The following MFSD2B variants were observed in gnomAD, a reference collection of about 807,000 sequenced individuals.
The protein encoded by MFSD2B is sphingosine-1-phosphate transporter MFSD2B.
In MFSD2B, 56 loss-of-function variants were observed where a neutral mutation model predicts 58.4. The observed-to-expected ratio is 0.96, with a 90% CI of 0.77 to 1.20. The LOEUF is 1.20. Among genes scored for constraint, MFSD2B ranks in the 50% most tolerant of loss-of-function variants. The probability of loss-of-function intolerance (pLI) is 0.00; values close to 1 mark genes in which losing one functional copy is unlikely to be tolerated. For synonymous variants in MFSD2B, 287 were observed against 294.4 expected, an observed-to-expected ratio of 0.97 and a Z score of 0.26; for missense variants, 645 against 667.6, an observed-to-expected ratio of 0.97 and a Z score of 0.37.
At position 24,021,724 on chromosome 2, in the gene MFSD2B, T is replaced by G. The variant is rs1573643153; in HGVS notation, c.758T>G (p.Val253Gly). Residue 253 changes from valine to glycine, a missense_variant, in exon 7 of 14, where the codon GTG becomes GGG. Val to Gly is a moderately radical substitution (Grantham distance 109). Coordinates refer to ENST00000338315, the MANE Select transcript of MFSD2B (RefSeq NM_001346880.2). The surrounding 1 kb of genome is among the most constrained non-coding windows in gnomAD (Gnocchi z 5.7). ...TGCATCAGTTTACTGTGCCTAGGGG[T>G]GAAGGAGCGGCCAGGTATGGGGTTT... ...PVCISLLCLG[V>G]KERPDPSAPA... The G allele has an allele frequency of 6.2e-7, 1 of 1,613,406 alleles. No individual in the cohort carries two copies. The highest frequency in any genetic ancestry group is 1.3e-5 in the African/African-American group (1 of 75,014).
At chr2:24,011,617 C>A (rs559606388) in intron 1 of MFSD2B, among the ~76,000 whole-genome samples, 1 of 152,288 alleles carries the variant, frequency 6.6e-6, no homozygotes, top group African/African-American at 2.4e-5. Flanking sequence ...GAGAAAAGAG[C>A]CCAGCTTCTT....
chr2:24,023,263 C>A lies in MFSD2B; in HGVS notation c.1169+24C>A, dbSNP rs766585378. On this transcript the variant is annotated intron_variant, in intron 11 of 13. Transcript: ENST00000338315. The surrounding 1 kb of genome is among the most constrained non-coding windows in gnomAD (Gnocchi z 5.0). ...TGGTAGGCTGGGTGTGGGGGCCTCA[C>A]GTGTGTCCACAGTGGGTGTCACCTC... is the stretch of plus-strand genomic sequence containing the variant. 2 of 1,564,802 alleles carry A rather than the reference C, an allele frequency of 1.3e-6. No individual in the cohort carries two copies. Among genetic ancestry groups the A allele is most frequent in the African/African-American group, 1.3e-5 (1 of 74,150 alleles).
Position 24,025,619 on chromosome 2 carries a change from T to G in MFSD2B, c.*163T>G, listed in dbSNP as rs1662955096. The G allele has an allele frequency of 4.7e-6, 3 of 641,764 alleles. No individual in the cohort carries two copies. The Admixed American group carries it at 7.6e-5, about 16-fold the overall frequency. 39.8% of individuals were successfully genotyped at this position (641,764 alleles called of 1,614,324 possible). A position where few individuals can be genotyped will look rare whatever the true frequency, so the allele number is the denominator to read the frequency against. ...GTGTCCTGAAGGGACTGGCCCGCACTCCAGGACCCCACTTGGCATTTCTTG... is the reference window on the plus strand; with the variant it reads ...GTGTCCTGAAGGGACTGGCCCGCACGCCAGGACCCCACTTGGCATTTCTTG... On this transcript the variant is annotated 3_prime_UTR_variant, in exon 14 of 14. Transcript: ENST00000338315.
chr2:24,019,707 C>T (rs1662687616), intron 6 of MFSD2B, among the ~76,000 whole-genome samples: 1 of 152,086 alleles, frequency 6.6e-6, no homozygotes, highest in Admixed American at 6.6e-5. Flanking sequence ...TGGGCAATCA[C>T]CTTGCCTATG....
In MFSD2B at chr2:24,023,346, G is replaced by A. The variant is rs1159166380; in HGVS notation, c.1169+107G>A. On this transcript the variant is annotated intron_variant, in intron 11 of 13. Coordinates refer to ENST00000338315, the MANE Select transcript of MFSD2B (RefSeq NM_001346880.2). The surrounding 1 kb of genome is among the most constrained non-coding windows in gnomAD (Gnocchi z 5.0). ...CACCCAGCCTGTGCAGGAGATGGAG[G>A]CCACCAGCTCCATCCTCAGAGCCCT... The A allele has an allele frequency of 4.8e-6, 5 of 1,034,292 alleles. No individual in the cohort carries two copies. Among genetic ancestry groups the A allele is most frequent in the Non-Finnish European group, 5.9e-6 (4 of 677,926 alleles). The allele number at this position is 1,034,292 out of a possible 1,614,324, so 64.1% of individuals were successfully genotyped here.
Position 24,013,319 on chromosome 2 carries a change from A to C in MFSD2B, c.131A>C (p.Lys44Thr). ...SRAGRLSFCT[K>T]VCYGIGGVPN... is the part of the protein sequence containing the mutation. The stretch of plus-strand genomic sequence containing the variant: ...GCCGGTCGCCTCTCATTCTGTACAA[A>C]GGTGTGCTATGGCATTGGTGGGGTC... The change falls in exon 2 of 14, where the codon AAG becomes ACG. Residue 44 changes from lysine (K) to threonine (T), a missense_variant. Transcript: ENST00000338315. The C allele has an allele frequency of 6.2e-7, 1 of 1,612,376 alleles. No individual in the cohort carries two copies. Among genetic ancestry groups the C allele is most frequent in the Non-Finnish European group, 8.5e-7 (1 of 1,179,410 alleles).
Position 24,016,968 on chromosome 2 carries a change from G to T in MFSD2B, c.471G>T (p.Thr157=), listed in dbSNP as rs761980476. ...ACTGCCTGTTCCAGGCCCTGGCCAC[G>T]GTAAGCAGGGCCCCTTCCTGGGCCT... ...TFYCLFQALA[T]FFQVPYTALT... Residue 157 remains threonine, a splice_region_variant and synonymous_variant, in exon 4 of 14, where the codon ACG becomes ACT. Coordinates refer to ENST00000338315, the MANE Select transcript of MFSD2B (RefSeq NM_001346880.2). The T allele has an allele frequency of 9.3e-6, 15 of 1,613,526 alleles. No individual in the cohort carries two copies. The highest frequency in any genetic ancestry group is 1.2e-5 in the Non-Finnish European group (14 of 1,179,866).
At position 24,022,803 on chromosome 2, in the gene MFSD2B, C is replaced by T. The variant is rs376342293; in HGVS notation, c.979-19C>T. On this transcript the variant is annotated intron_variant, in intron 9 of 13. Transcript: ENST00000338315. This position sits in a 1 kb window ranked among gnomAD's most constrained non-coding sequence, Gnocchi z 4.5. ...CGCTGGCAGCACGGCCCTGGCGTGACGATGCTGTCTGCTCACAGGTCTCAG... is the reference window on the plus strand; with the variant it reads ...CGCTGGCAGCACGGCCCTGGCGTGATGATGCTGTCTGCTCACAGGTCTCAG... 80 of 1,542,092 alleles carry T rather than the reference C, an allele frequency of 5.2e-5. No homozygotes were observed. Among genetic ancestry groups the T allele is most frequent in the Non-Finnish European group, 6.1e-5 (70 of 1,146,064 alleles).
At chr2:24,013,206 A>C in intron 1 of MFSD2B, 79 bp from the exon 2 acceptor site, 1 of 1,409,296 alleles carries the variant, frequency 7.1e-7, no homozygotes, top group Non-Finnish European at 9.5e-7. Context: ...GAGACTCAGG[A>C]TGTTTACTGA....
At chr2:24,016,049 C>T in intron 2 of MFSD2B, 107 bp from the exon 3 acceptor site, 1 of 1,388,150 alleles carries the variant, frequency 7.2e-7, no homozygotes, top group Non-Finnish European at 1.0e-6. Flanking sequence ...GTGGCTCTGC[C>T]CTCCGGTCCC....
chr2:24,010,822 G>A (rs1033719083), intron 1 of MFSD2B, among the ~76,000 whole-genome samples: 2 of 152,184 alleles, frequency 1.3e-5, no homozygotes, highest in African/African-American at 4.8e-5. Flanking sequence ...CTCCCTGCTC[G>A]TGCCCAGGGC....
In MFSD2B at chr2:24,017,376, C is replaced by A; in HGVS notation, c.550+12C>A. ...GGCCACCGCCTACCGTGAGTGCAGC[C>A]GTGGGTTTCGGGTTCCAGGGAGGCA... On this transcript the variant is annotated intron_variant, in intron 5 of 13. Coordinates refer to ENST00000338315, the MANE Select transcript of MFSD2B (RefSeq NM_001346880.2). This position sits in a 1 kb window ranked among gnomAD's most constrained non-coding sequence, Gnocchi z 4.8. 6.2e-7 allele frequency: 1 copy of A among 1,601,548 alleles called. No homozygotes were observed.
rs536863465 is a variant in MFSD2B at position 24,021,190 on chromosome 2, G to C, written c.682-458G>C. ...TAGGATGACAGGCATGAGCCACCGC[G>C]CCCGGCCCTGCTTCCTCCATTAATC... is the stretch of plus-strand genomic sequence containing the variant. On this transcript the variant is annotated intron_variant, in intron 6 of 13. Transcript: ENST00000338315. The surrounding 1 kb of genome is among the most constrained non-coding windows in gnomAD (Gnocchi z 5.7). 3.3e-5 allele frequency among the ~76,000 whole-genome samples: 5 copies of C among 152,248 alleles called. No individual in the cohort carries two copies. In the South Asian group the frequency reaches 1.0e-3, roughly 32 times the overall value.
At position 24,012,179 on chromosome 2, in the gene MFSD2B, C is replaced by CACACACAA. The variant is rs1553313825; in HGVS notation, c.97-1105_97-1104insCACACAAA. ...ACACACACACACACACACACACACACAAAAACAGACAAAAAAACCCTGCAA... is the reference window on the plus strand; with the variant it reads ...ACACACACACACACACACACACACACACACACAAAAAAACAGACAAAAAAACCCTGCAA... On this transcript the variant is annotated intron_variant, in intron 1 of 13. Coordinates refer to ENST00000338315, the MANE Select transcript of MFSD2B (RefSeq NM_001346880.2). This position sits in a 1 kb window ranked among gnomAD's most constrained non-coding sequence, Gnocchi z 4.5. 6.8e-6 allele frequency among the ~76,000 whole-genome samples: 1 copy of CACACACAA among 148,122 alleles called. No homozygotes were observed. Among genetic ancestry groups the CACACACAA allele is most frequent in the South Asian group, 2.1e-4 (1 of 4,656 alleles).
chr2:24,013,733 C>G (rs1006022092), intron 2 of MFSD2B, among the ~76,000 whole-genome samples: 1 of 143,610 alleles, frequency 7.0e-6, no homozygotes, highest in African/African-American at 2.6e-5. Flanking sequence ...AATTTGTAAA[C>G]TTTCTTAAAA....
rs1351490133 is a variant in MFSD2B at position 24,021,500 on chromosome 2, G to T, written c.682-148G>T. The stretch of plus-strand genomic sequence containing the variant: ...GCCCGGAGAGCATGCTGTCCTGTGG[G>T]GTGATTGGGAGGTGGGGACCCAGCG... On this transcript the variant is annotated intron_variant, in intron 6 of 13. Transcript: ENST00000338315. The surrounding 1 kb of genome is among the most constrained non-coding windows in gnomAD (Gnocchi z 5.7). 4.5e-6 allele frequency: 3 copies of T among 673,158 alleles called. No homozygotes were observed. Among genetic ancestry groups the T allele is most frequent in the Non-Finnish European group, 5.3e-6 (2 of 377,184 alleles). 41.7% of individuals were successfully genotyped at this position (673,158 alleles called of 1,614,324 possible).
rs915670147 is a variant in MFSD2B at position 24,020,385 on chromosome 2, G to C, written c.682-1263G>C. 1.3e-5 allele frequency among the ~76,000 whole-genome samples: 2 copies of C among 152,144 alleles called. No individual in the cohort carries two copies. Among genetic ancestry groups the C allele is most frequent in the African/African-American group, 4.8e-5 (2 of 41,406 alleles). Reference sequence around the variant, plus strand: ...TGAACCCCAGAGGCAGTGCCCTCCAGAGCATGAGGCCCAGGGCGGTTGCAC... The same window carrying C: ...TGAACCCCAGAGGCAGTGCCCTCCACAGCATGAGGCCCAGGGCGGTTGCAC... On this transcript the variant is annotated intron_variant, in intron 6 of 13. Transcript: ENST00000338315. This position sits in a 1 kb window ranked among gnomAD's most constrained non-coding sequence, Gnocchi z 4.1.
chr2:24,012,655 A>G lies in MFSD2B; in HGVS notation c.97-630A>G, dbSNP rs1285989888. Reference sequence around the variant, plus strand: ...ATAGACAAGAACTGGAAAGAAGAATAGATGACTCCTAAGTTTGTGGCCTGA... The same window carrying G: ...ATAGACAAGAACTGGAAAGAAGAATGGATGACTCCTAAGTTTGTGGCCTGA... On this transcript the variant is annotated intron_variant, in intron 1 of 13. Coordinates refer to ENST00000338315, the MANE Select transcript of MFSD2B (RefSeq NM_001346880.2). This position sits in a 1 kb window ranked among gnomAD's most constrained non-coding sequence, Gnocchi z 4.5. Among the ~76,000 whole-genome samples the G allele has an allele frequency of 2.6e-5, 4 of 152,224 alleles. No individual in the cohort carries two copies. Among genetic ancestry groups the G allele is most frequent in the Non-Finnish European group, 5.9e-5 (4 of 68,040 alleles).
rs1282391080 is a variant in MFSD2B at position 24,022,544 on chromosome 2, A to AG, written c.978+30dup. On this transcript the variant is annotated intron_variant, in intron 9 of 13. Transcript: ENST00000338315. This position sits in a 1 kb window ranked among gnomAD's most constrained non-coding sequence, Gnocchi z 4.5. ...GAGGGGGCCTGGGGTGGTGGAGGCTAGGTCACTTGGGGCCCTGAGCTGGGG... is the reference window on the plus strand; with the variant it reads ...GAGGGGGCCTGGGGTGGTGGAGGCTAGGGTCACTTGGGGCCCTGAGCTGGGG... 6.3e-7 allele frequency: 1 copy of AG among 1,582,718 alleles called. No individual in the cohort carries two copies. The highest frequency in any genetic ancestry group is 1.1e-5 in the South Asian group (1 of 88,122).
Sources: allele counts gnomAD v4.1 joint callset (sites outside exome capture counted in the v4.1 genomes callset), GRCh38; gene constraint gnomAD v4.1.1; non-coding constraint Gnocchi (gnomAD v3.1); transcripts MANE v1.5; gene names NCBI Gene and HGNC (gene_info 2026-07-23, HGNC 2026-07-21).